NIPA1: variants seen among roughly 807,000 people sequenced by gnomAD.
NIPA1 encodes the protein magnesium transporter NIPA1.
A neutral mutation model predicts 23.9 loss-of-function variants in NIPA1; 13 were observed. The observed-to-expected ratio is 0.54, with a 90% CI of 0.35 to 0.87. The LOEUF (loss-of-function observed/expected upper bound fraction) is 0.87, where lower values mean the gene tolerates loss of function less well. NIPA1 is among the 40% of genes least tolerant of loss of function. The pLI is 0.01. For missense variants in NIPA1, 362 were observed against 429.7 expected (o/e 0.84, Z 1.39); for synonymous variants, 234 against 202.9 (o/e 1.15, Z -1.30).
chr15:22,809,937 G>A (rs1008397087), intron 1 of NIPA1, among the ~76,000 whole-genome samples: 6 of 152,190 alleles, frequency 3.9e-5, no homozygotes, highest in Admixed American at 3.9e-4. Context: ...CAGCTACTAG[G>A]GAGGGTGAGG....
At position 22,824,451 on chromosome 15, in the gene NIPA1, G is replaced by C; in HGVS notation, c.*212G>C. 1.7e-6 allele frequency: 1 copy of C among 584,440 alleles called. No individual in the cohort carries two copies. The highest frequency in any genetic ancestry group is 3.1e-6 in the Non-Finnish European group (1 of 326,088). The allele number at this position is 584,440 out of a possible 1,614,324, so 36.2% of individuals were successfully genotyped here. ...CCCAAACGTCCCCAACGGTTGCCTG[G>C]CACCATCTCTCTCTGATGAGACGAA... On this transcript the variant is annotated 3_prime_UTR_variant, in exon 5 of 5. Coordinates refer to ENST00000337435, the MANE Select transcript of NIPA1 (RefSeq NM_144599.5). The surrounding 1 kb of genome is among the most constrained non-coding windows in gnomAD (Gnocchi z 4.1).
intron 1 of NIPA1, among the ~76,000 whole-genome samples, chr15:22,800,305 T>G (rs1003813481): frequency 2.0e-5 from 3 of 151,966 alleles, no homozygotes; most frequent in African/African-American, 4.8e-5. Flanking sequence ...TTGCCACGAG[T>G]CTTTCTTTGT....
intron 1 of NIPA1, among the ~76,000 whole-genome samples, chr15:22,809,315 A>G (rs1247062484): frequency 6.6e-6 from 1 of 152,094 alleles, no homozygotes; most frequent in Non-Finnish European, 1.5e-5. Context: ...TGAACCCAGG[A>G]GGCAGAGGTT....
chr15:22,796,338 A>G (rs1440371226), intron 1 of NIPA1, among the ~76,000 whole-genome samples: 1 of 152,184 alleles, frequency 6.6e-6, no homozygotes, highest in Non-Finnish European at 1.5e-5. Context: ...GGAAGACATC[A>G]CCAATGTAAA....
In NIPA1 at chr15:22,786,646, G is replaced by T; in HGVS notation, c.-11G>T. On this transcript the variant is annotated 5_prime_UTR_variant, in exon 1 of 5. Coordinates refer to ENST00000337435, the MANE Select transcript of NIPA1 (RefSeq NM_144599.5). ...GCGCAGGCGCAGGCTCGGAGGGCGG[G>T]CGCGGGCGGAATGGGGACTGCAGCT... 1 of 1,012,544 alleles carries T rather than the reference G, an allele frequency of 9.9e-7. No homozygotes were observed. The highest frequency in any genetic ancestry group is 1.2e-6 in the Non-Finnish European group (1 of 841,368). 62.7% of individuals were successfully genotyped at this position (1,012,544 alleles called of 1,614,324 possible).
intron 3 of NIPA1, chr15:22,819,210 G>A (rs896642247): frequency 6.6e-6 from 1 of 152,304 alleles, no homozygotes; most frequent in African/African-American, 2.4e-5. Context: ...GACCGTGCTT[G>A]TATCTCTTGT....
intron 3 of NIPA1, among the ~76,000 whole-genome samples, chr15:22,815,136 T>TA (rs1895391255): frequency 6.6e-6 from 1 of 152,202 alleles, no homozygotes; most frequent in Non-Finnish European, 1.5e-5. Flanking sequence ...TAGCATAAGT[T>TA]ATGATTCTTT....
At chr15:22,802,825 C>CTTT (rs60258263) in intron 1 of NIPA1, among the ~76,000 whole-genome samples, 18,493 of 151,962 alleles carry the variant, frequency 0.12, 2,710 homozygotes, top group East Asian at 0.57. Flanking sequence ...CTTACGTCTG[C>CTTT]TTTTGCTGGA....
intron 1 of NIPA1, among the ~76,000 whole-genome samples, chr15:22,797,043 C>CTTTT (rs61661682): frequency 7.1e-6 from 1 of 140,198 alleles, no homozygotes; most frequent in African/African-American, 2.6e-5. Flanking sequence ...ATTGAGGTTT[C>CTTTT]TTTTTTTTTT....
rs2140878529 is a variant in NIPA1, at chr15:22,824,822, G to A, written c.*583G>A. 6.9e-6 allele frequency: 1 copy of A among 145,056 alleles called. No individual in the cohort carries two copies. The highest frequency in any genetic ancestry group is 2.1e-4 in the South Asian group (1 of 4,708). The allele number at this position is 145,056 out of a possible 1,614,324, so 9.0% of individuals were successfully genotyped here. A position where few individuals can be genotyped will look rare whatever the true frequency, so the allele number is the denominator to read the frequency against. On this transcript the variant is annotated 3_prime_UTR_variant, in exon 5 of 5. Coordinates refer to ENST00000337435, the MANE Select transcript of NIPA1 (RefSeq NM_144599.5). The surrounding 1 kb of genome is among the most constrained non-coding windows in gnomAD (Gnocchi z 4.1). Reference sequence around the variant, plus strand: ...AAGACATTTTAATAGTAAATAGAGAGAGAGAGAAGAGTTAATGAACATGAG... The same window carrying A: ...AAGACATTTTAATAGTAAATAGAGAAAGAGAGAAGAGTTAATGAACATGAG...
At chr15:22,819,029 C>T (rs557889272) in intron 3 of NIPA1, among the ~76,000 whole-genome samples, 1 of 152,064 alleles carries the variant, frequency 6.6e-6, no homozygotes, top group Non-Finnish European at 1.5e-5. Flanking sequence ...GGTGGAGCTT[C>T]TCTATTTAAC....
At chr15:22,807,218 T>C (rs539400968) in intron 1 of NIPA1, among the ~76,000 whole-genome samples, 1 of 152,310 alleles carries the variant, frequency 6.6e-6, no homozygotes, top group East Asian at 1.9e-4. Context: ...TTGTGACTTT[T>C]GACATTTTAT....
At chr15:22,791,944 G>A (rs539747620) in intron 1 of NIPA1, among the ~76,000 whole-genome samples, 13 of 152,212 alleles carry the variant, frequency 8.5e-5, no homozygotes, top group Admixed American at 3.3e-4. Flanking sequence ...GGATGGGGCC[G>A]CCTGCCTTCT....
chr15:22,814,425 G>A (rs1291244982), intron 3 of NIPA1, among the ~76,000 whole-genome samples: 1 of 151,946 alleles, frequency 6.6e-6, no homozygotes, highest in Non-Finnish European at 1.5e-5. Context: ...GGATGGTCTT[G>A]ATCTCCTGAC....
chr15:22,813,221 G>C (rs1018975272), intron 3 of NIPA1, among the ~76,000 whole-genome samples: 6 of 152,198 alleles, frequency 3.9e-5, no homozygotes, highest in Admixed American at 3.9e-4. Context: ...CCAAGGGACT[G>C]AGGACTCTGG....
intron 1 of NIPA1, among the ~76,000 whole-genome samples, chr15:22,793,533 C>T (rs1894879347): frequency 6.6e-6 from 1 of 151,662 alleles, no homozygotes; most frequent in Non-Finnish European, 1.5e-5. Context: ...CTCCACCTGC[C>T]AGGTTCAAGG....
At chr15:22,805,879 A>G (rs1895195776) in intron 1 of NIPA1, among the ~76,000 whole-genome samples, 1 of 152,040 alleles carries the variant, frequency 6.6e-6, no homozygotes, top group Non-Finnish European at 1.5e-5. Context: ...ATGCCCATCT[A>G]TATTTTTATA....
At chr15:22,800,955 A>T (rs1234635767) in intron 1 of NIPA1, among the ~76,000 whole-genome samples, 9 of 142,100 alleles carry the variant, frequency 6.3e-5, no homozygotes, top group East Asian at 2.0e-4. Context: ...AAAAAAAAAA[A>T]ATTAGCCTGG....
Position 22,787,411 on chromosome 15 carries a change from G to A in NIPA1, c.178+577G>A, listed in dbSNP as rs535740845. 2.9e-4 allele frequency among the ~76,000 whole-genome samples: 44 copies of A among 152,338 alleles called. 2 individuals are homozygous for A. The South Asian group carries it at 3.5e-3, about 12-fold the overall frequency. ...GGCTCTCAGGGCTGTGCGTTCCTGG[G>A]GTGCTCTTACGGAGCCCGCTGCGCC... On this transcript the variant is annotated intron_variant, in intron 1 of 4. Transcript: ENST00000337435.
Sources: allele counts gnomAD v4.1 joint callset (sites outside exome capture counted in the v4.1 genomes callset), GRCh38; gene constraint gnomAD v4.1.1; non-coding constraint Gnocchi (gnomAD v3.1); transcripts MANE v1.5; gene names NCBI Gene and HGNC (gene_info 2026-07-23, HGNC 2026-07-21).